The following MGAT5B variants were observed in gnomAD, a reference collection of about 807,000 sequenced individuals.
MGAT5B encodes the protein alpha-1,6-mannosylglycoprotein 6-beta-N-acetylglucosaminyltransferase B, also known as N-acetylglucosaminyl-transferase Vb.
MGAT5B carries 54 observed loss-of-function variants against 95.1 expected under a neutral mutation model. The ratio of observed to expected loss-of-function variants is 0.57; its 90% CI spans 0.46 to 0.71. The LOEUF is 0.71. Among genes scored for constraint, MGAT5B ranks in the 30% least tolerant of loss-of-function variants. The pLI, the probability that MGAT5B is intolerant of heterozygous loss-of-function variation, is 0.00. For missense variants in MGAT5B, 935 were observed against 1,088.6 expected (o/e 0.86, Z 1.99); for synonymous variants, 464 against 451.0 (o/e 1.03, Z -0.36).
chr17:76,915,291 AAGG>A lies in MGAT5B; in HGVS notation c.1025+9107_1025+9109del, dbSNP rs983253686. 4.0e-5 allele frequency among the ~76,000 whole-genome samples: 6 copies of A among 150,172 alleles called. No homozygotes were observed. The highest frequency in any genetic ancestry group is 2.6e-4 in the Admixed American group (4 of 15,140). On this transcript the variant is annotated intron_variant, in intron 8 of 17. Transcript: ENST00000569840. This position sits in a 1 kb window ranked among gnomAD's most constrained non-coding sequence, Gnocchi z 8.7. ...CAGCTCTTCTGCCCTGAGAGGAGAG[AAGG>A]AGAAGAGACCAGGGTATACTGTAAA... is the stretch of plus-strand genomic sequence containing the variant.
At chr17:76,900,912 C>T (rs12051803) in intron 3 of MGAT5B, among the ~76,000 whole-genome samples, 14 of 112,268 alleles carry the variant, frequency 1.2e-4, no homozygotes, top group East Asian at 2.4e-4. Flanking sequence ...TGTGTGTGTG[C>T]GTGTGTACAT....
At chr17:76,900,478 AAG>A (rs1408154438) in intron 3 of MGAT5B, among the ~76,000 whole-genome samples, 2 of 152,142 alleles carry the variant, frequency 1.3e-5, no homozygotes, top group Non-Finnish European at 2.9e-5. Flanking sequence ...TGTTCTTATA[AAG>A]AGAGGAAAGT....
At chr17:76,873,048 C>A in intron 2 of MGAT5B, 85 bp downstream of exon 2, 1 of 1,502,240 alleles carries the variant, frequency 6.7e-7, no homozygotes, top group Non-Finnish European at 9.1e-7. Context: ...TAGCCCTGTA[C>A]CTGGCTTTCT....
At chr17:76,883,425 C>T (rs757033235) in intron 3 of MGAT5B, among the ~76,000 whole-genome samples, 32 of 152,188 alleles carry the variant, frequency 2.1e-4, no homozygotes, top group Admixed American at 3.3e-4. Flanking sequence ...TCTCCTGCTT[C>T]GGCCAGGATG....
intron 8 of MGAT5B, among the ~76,000 whole-genome samples, chr17:76,908,254 C>A (rs1234599973): frequency 7.2e-6 from 1 of 139,446 alleles, no homozygotes; most frequent in Admixed American, 7.5e-5. Context: ...TCTTTTTTTC[C>A]TTTCTTTCTC....
chr17:76,923,619 G>A (rs767199866), intron 8 of MGAT5B, among the ~76,000 whole-genome samples: 6 of 152,246 alleles, frequency 3.9e-5, no homozygotes, highest in South Asian at 4.1e-4. Context: ...TCCTCAGGAC[G>A]CCTCCACCGT....
intron 3 of MGAT5B, among the ~76,000 whole-genome samples, chr17:76,896,597 A>G (rs1218810892): frequency 6.6e-6 from 1 of 152,184 alleles, no homozygotes; most frequent in East Asian, 1.9e-4. Flanking sequence ...ATCCTCACCA[A>G]TAACTCCATT....
chr17:76,928,687 A>G (rs192694139), intron 10 of MGAT5B, among the ~76,000 whole-genome samples: 1 of 152,104 alleles, frequency 6.6e-6, no homozygotes, highest in Non-Finnish European at 1.5e-5. Flanking sequence ...CCTGGGCAAC[A>G]GAGCAAGATT....
At chr17:76,878,156 G>C (rs915265392) in intron 2 of MGAT5B, among the ~76,000 whole-genome samples, 1 of 152,150 alleles carries the variant, frequency 6.6e-6, no homozygotes, top group African/African-American at 2.4e-5. Context: ...GTCACTGGGG[G>C]AGAGTCGGCC....
intron 3 of MGAT5B, among the ~76,000 whole-genome samples, chr17:76,890,916 G>A (rs1038730514): frequency 6.6e-6 from 1 of 150,936 alleles, no homozygotes; most frequent in African/African-American, 2.4e-5. Flanking sequence ...GCTTCTTGCT[G>A]TGTCTTCACA....
intron 3 of MGAT5B, among the ~76,000 whole-genome samples, chr17:76,900,012 C>G (rs1968247180): frequency 6.6e-6 from 1 of 152,204 alleles, no homozygotes; most frequent in Admixed American, 6.5e-5. Flanking sequence ...TGATGTCACA[C>G]AGGTGCCGCT....
In MGAT5B at chr17:76,906,184, A is replaced by G. The variant is rs747805608; in HGVS notation, c.1022A>G (p.Gln341Arg). The change falls in exon 8 of 18, where the codon CAG becomes CGG. Residue 341 changes from glutamine (Q) to arginine (R), a missense_variant. By Grantham distance (43) the Gln-to-Arg change is conservative. Coordinates refer to ENST00000569840, the MANE Select transcript of MGAT5B (RefSeq NM_001199172.2). This position sits in a 1 kb window ranked among gnomAD's most constrained non-coding sequence, Gnocchi z 4.6. Reference sequence around the variant, plus strand: ...GTCACAGTCTCCCTGAAGGAGCTGCAGAGGTGAGTGCTGGGGAAAGCCACT... The same window carrying G: ...GTCACAGTCTCCCTGAAGGAGCTGCGGAGGTGAGTGCTGGGGAAAGCCACT... ...LRVTVSLKEL[Q>R]SNLGVPPGRG... 6.2e-7 allele frequency: 1 copy of G among 1,601,948 alleles called. No individual in the cohort carries two copies. Among genetic ancestry groups the G allele is most frequent in the Non-Finnish European group, 8.5e-7 (1 of 1,175,244 alleles).
intron 1 of MGAT5B, among the ~76,000 whole-genome samples, chr17:76,871,252 C>T (rs58709360): frequency 0.038 from 5,716 of 152,306 alleles, 139 homozygotes; most frequent in East Asian, 0.068. Context: ...ATGGCCGTGG[C>T]TGTTGTCTCC....
At chr17:76,888,141 T>C (rs1057433943) in intron 3 of MGAT5B, among the ~76,000 whole-genome samples, 7 of 152,144 alleles carry the variant, frequency 4.6e-5, no homozygotes, top group Non-Finnish European at 1.0e-4. Flanking sequence ...CGGGTGTATT[T>C]ATGTATTTAT....
rs547755883 is a variant in MGAT5B, at chr17:76,916,659, A to C, written c.1026-8307A>C. ...AAAAAACTCAGAAAGAAATGAGGAGAAGGGCTGGCTTCTGGATGCTCCTGA... is the reference window on the plus strand; with the variant it reads ...AAAAAACTCAGAAAGAAATGAGGAGCAGGGCTGGCTTCTGGATGCTCCTGA... On this transcript the variant is annotated intron_variant, in intron 8 of 17. Transcript: ENST00000569840. This position sits in a 1 kb window ranked among gnomAD's most constrained non-coding sequence, Gnocchi z 5.3. 2.4e-4 allele frequency among the ~76,000 whole-genome samples: 37 copies of C among 152,270 alleles called. No individual in the cohort carries two copies. Among genetic ancestry groups the C allele is most frequent in the Admixed American group, 2.4e-3 (37 of 15,298 alleles).
intron 10 of MGAT5B, among the ~76,000 whole-genome samples, chr17:76,932,130 CCTTCTTTCTT>C (rs954542462): frequency 7.4e-6 from 1 of 134,580 alleles, no homozygotes; most frequent in African/African-American, 2.8e-5. Context: ...TTTGTCTTCT[CCTTCTTTCTT>C]CTTCTTACAC....
In MGAT5B at chr17:76,921,449, GC is replaced by G. The variant is rs954062340; in HGVS notation, c.1026-3513del. On this transcript the variant is annotated intron_variant, in intron 8 of 17. Transcript: ENST00000569840. The stretch of plus-strand genomic sequence containing the variant: ...GGGGGAAGCGATTGCTCAGCAGGGG[GC>G]CCCTTTTCCTGCCCGGCTCTGGATC... 8.6e-4 allele frequency among the ~76,000 whole-genome samples: 131 copies of G among 152,212 alleles called. 1 individual carries two copies. The highest frequency in any genetic ancestry group is 4.2e-3 in the Admixed American group (64 of 15,292).
chr17:76,940,394 C>G lies in MGAT5B; in HGVS notation c.1585-8C>G. On this transcript the variant is annotated splice_polypyrimidine_tract_variant and splice_region_variant and intron_variant, in intron 13 of 17. Coordinates refer to ENST00000569840, the MANE Select transcript of MGAT5B (RefSeq NM_001199172.2). The surrounding 1 kb of genome is among the most constrained non-coding windows in gnomAD (Gnocchi z 4.3). ...CCTCCCTGATCACTGCGCCCCTTGACTCTGCAGCTCTTCATCGGGTTTGGC... is the reference window on the plus strand; with the variant it reads ...CCTCCCTGATCACTGCGCCCCTTGAGTCTGCAGCTCTTCATCGGGTTTGGC... The G allele has an allele frequency of 6.3e-7, 1 of 1,593,950 alleles. No homozygotes were observed. The highest frequency in any genetic ancestry group is 8.6e-7 in the Non-Finnish European group (1 of 1,169,404).
At chr17:76,886,426 T>C (rs1229717447) in intron 3 of MGAT5B, among the ~76,000 whole-genome samples, 1 of 152,242 alleles carries the variant, frequency 6.6e-6, no homozygotes, top group Non-Finnish European at 1.5e-5. Context: ...GGCCCTGTGC[T>C]TGGCGCTCAG....
Sources: allele counts gnomAD v4.1 joint callset (sites outside exome capture counted in the v4.1 genomes callset), GRCh38; gene constraint gnomAD v4.1.1; non-coding constraint Gnocchi (gnomAD v3.1); transcripts MANE v1.5; gene names NCBI Gene and HGNC (gene_info 2026-07-23, HGNC 2026-07-21).